The following ZMYM4 variants were observed in gnomAD, a reference collection of about 807,000 sequenced individuals.
The protein encoded by ZMYM4 is zinc finger MYM-type protein 4.
Under a neutral mutation model 183.2 loss-of-function variants are expected in ZMYM4, and 31 were observed. That is an observed-to-expected ratio of 0.17 (90% CI 0.13 to 0.23). ZMYM4 has a LOEUF of 0.23. Ranked by LOEUF, ZMYM4 falls within the 10% of genes least tolerant of loss-of-function variation. ZMYM4 has a pLI of 1.00. For missense variants in ZMYM4, 1,273 were observed against 1,840.3 expected (o/e 0.69, Z 5.64); for synonymous variants, 592 against 631.2 (o/e 0.94, Z 0.93).
intron 1 of ZMYM4, among the ~76,000 whole-genome samples, chr1:35,278,930 A>G (rs1163784909): frequency 6.6e-6 from 1 of 152,196 alleles, no homozygotes; most frequent in Non-Finnish European, 1.5e-5. Flanking sequence ...AGCTGTTAAG[A>G]TAGACATTCC....
chr1:35,283,118 G>A (rs1417818202), intron 1 of ZMYM4, among the ~76,000 whole-genome samples: 3 of 140,420 alleles, frequency 2.1e-5, no homozygotes, highest in African/African-American at 5.3e-5. Flanking sequence ...TGATTCTTCT[G>A]CCTCAGCCTC....
chr1:35,284,927 G>C (rs1391491369), intron 1 of ZMYM4, among the ~76,000 whole-genome samples: 3 of 152,080 alleles, frequency 2.0e-5, no homozygotes, highest in African/African-American at 7.2e-5. Flanking sequence ...TTACATGGGG[G>C]GTTAAGGCTT....
chr1:35,334,181 TG>T (rs1177426113), intron 2 of ZMYM4, among the ~76,000 whole-genome samples: 4 of 152,050 alleles, frequency 2.6e-5, no homozygotes, highest in African/African-American at 9.7e-5. Flanking sequence ...TAGTTGGGCT[TG>T]GGGGCACATG....
intron 1 of ZMYM4, among the ~76,000 whole-genome samples, chr1:35,314,146 T>C (rs995973006): frequency 6.6e-6 from 1 of 152,216 alleles, no homozygotes; most frequent in African/African-American, 2.4e-5. Flanking sequence ...GAAAATAGTT[T>C]CTTTGAGGAA....
chr1:35,280,144 CTT>C (rs1422703159), intron 1 of ZMYM4, among the ~76,000 whole-genome samples: 4 of 150,898 alleles, frequency 2.7e-5, no homozygotes, highest in Non-Finnish European at 4.4e-5. Flanking sequence ...CTCTCTCTCT[CTT>C]TCTTTCTTCC....
At chr1:35,341,318 CAT>C (rs1224893911) in intron 2 of ZMYM4, among the ~76,000 whole-genome samples, 1 of 152,004 alleles carries the variant, frequency 6.6e-6, no homozygotes, top group Non-Finnish European at 1.5e-5. Flanking sequence ...GATACATGTA[CAT>C]ATATTACTTT....
At chr1:35,391,229 G>A (rs187413845) in intron 15 of ZMYM4, among the ~76,000 whole-genome samples, 29 of 152,264 alleles carry the variant, frequency 1.9e-4, no homozygotes, top group African/African-American at 7.0e-4. Context: ...GCGGCTTGAG[G>A]GACGTTTTAC....
At chr1:35,298,066 A>G (rs1387657271) in intron 1 of ZMYM4, among the ~76,000 whole-genome samples, 1 of 152,228 alleles carries the variant, frequency 6.6e-6, no homozygotes, top group Non-Finnish European at 1.5e-5. Context: ...AGGATGGAAT[A>G]AATCTGGATG....
intron 2 of ZMYM4, among the ~76,000 whole-genome samples, chr1:35,341,694 A>G (rs562886964): frequency 1.3e-5 from 2 of 152,062 alleles, no homozygotes; most frequent in Non-Finnish European, 2.9e-5. Flanking sequence ...TCTTCACATT[A>G]TATAATTTTA....
chr1:35,333,225 T>C (rs571295561), intron 2 of ZMYM4, among the ~76,000 whole-genome samples: 2 of 152,038 alleles, frequency 1.3e-5, no homozygotes, highest in Non-Finnish European at 2.9e-5. Flanking sequence ...GTAATACATA[T>C]ATGTAAATTG....
chr1:35,393,529 ATAT>A lies in ZMYM4; in HGVS notation c.2767-64_2767-62del, dbSNP rs574737124. On this transcript the variant is annotated intron_variant, in intron 17 of 29. Transcript: ENST00000314607. Reference sequence around the variant, plus strand: ...ATATGACATTTCCTTTAATATTATAATATTTCTTATAATTACAATGAGATTTTT... The same window carrying A: ...ATATGACATTTCCTTTAATATTATAATTCTTATAATTACAATGAGATTTTT... 7.4e-4 allele frequency: 1,024 copies of A among 1,383,972 alleles called. 7 individuals carry two copies. In the African/African-American group the frequency reaches 0.014, roughly 18 times the overall value. 85.7% of individuals were successfully genotyped at this position (1,383,972 alleles called of 1,614,324 possible).
intron 1 of ZMYM4, among the ~76,000 whole-genome samples, chr1:35,281,684 T>C (rs945650613): frequency 8.7e-5 from 13 of 150,060 alleles, no homozygotes; most frequent in African/African-American, 2.7e-4. Context: ...ATATATAATA[T>C]AACATTTACC....
At chr1:35,415,152 G>A (rs1015008732) in intron 27 of ZMYM4, among the ~76,000 whole-genome samples, 26 of 152,264 alleles carry the variant, frequency 1.7e-4, no homozygotes, top group African/African-American at 6.3e-4. Flanking sequence ...CAGCAACAGC[G>A]TTGTTCAGAG....
intron 13 of ZMYM4, among the ~76,000 whole-genome samples, chr1:35,388,080 T>C (rs191221606): frequency 6.6e-6 from 1 of 152,374 alleles, no homozygotes; most frequent in Admixed American, 6.5e-5. Context: ...ATGTTTTATT[T>C]TACTCTAAAG....
At chr1:35,357,537 G>A (rs969519460) in intron 2 of ZMYM4, among the ~76,000 whole-genome samples, 3 of 152,178 alleles carry the variant, frequency 2.0e-5, no homozygotes, top group African/African-American at 7.2e-5. Context: ...GAATCCAGGA[G>A]GAGACGTGGA....
At chr1:35,362,350 C>T (rs1342892122) in intron 5 of ZMYM4, among the ~76,000 whole-genome samples, 1 of 152,174 alleles carries the variant, frequency 6.6e-6, no homozygotes, top group Non-Finnish European at 1.5e-5. Flanking sequence ...TCTGCTATTT[C>T]AAGGTTGCTC....
intron 2 of ZMYM4, among the ~76,000 whole-genome samples, chr1:35,332,522 T>C (rs1286997467): frequency 5.3e-5 from 8 of 152,028 alleles, no homozygotes; most frequent in Admixed American, 5.2e-4. Context: ...CACTCATGTT[T>C]GGTGCCTTGC....
At chr1:35,318,799 A>G (rs1478619912) in intron 1 of ZMYM4, among the ~76,000 whole-genome samples, 1 of 152,102 alleles carries the variant, frequency 6.6e-6, no homozygotes, top group Non-Finnish European at 1.5e-5. Context: ...AAACCCTTTG[A>G]TTCTCACATT....
intron 5 of ZMYM4, among the ~76,000 whole-genome samples, chr1:35,365,189 C>T (rs1644041086): frequency 6.7e-6 from 1 of 150,182 alleles, no homozygotes; most frequent in African/African-American, 2.5e-5. Flanking sequence ...GATTTAGTTA[C>T]TCAAGCCCTC....
Sources: allele counts gnomAD v4.1 joint callset (sites outside exome capture counted in the v4.1 genomes callset), GRCh38; gene constraint gnomAD v4.1.1; transcripts MANE v1.5; gene names NCBI Gene and HGNC (gene_info 2026-07-23, HGNC 2026-07-21).